Variants in VDR observed in about 807,000 individuals in gnomAD.
VDR encodes vitamin D3 receptor.
VDR carries 19 observed loss-of-function variants against 39.7 expected under a neutral mutation model. That is an observed-to-expected ratio of 0.48 (90% CI 0.33 to 0.70). The LOEUF is 0.70. Ranked by LOEUF, VDR falls within the 30% of genes least tolerant of loss-of-function variation. The pLI, the probability that VDR is intolerant of heterozygous loss-of-function variation, is 0.02. For missense variants in VDR, 442 were observed against 570.5 expected, an observed-to-expected ratio of 0.77 and a Z score of 2.29; for synonymous variants, 242 against 215.8, an observed-to-expected ratio of 1.12 and a Z score of -1.07.
chr12:47,892,460 G>C (rs1946388764), intron 1 of VDR, among the ~76,000 whole-genome samples: 1 of 152,190 alleles, frequency 6.6e-6, no homozygotes. Flanking sequence ...GTTTGGTCAG[G>C]CTTCTGGCCA....
At chr12:47,899,881 G>A (rs956618687) in intron 1 of VDR, 1 of 984,188 alleles carries the variant, frequency 1.0e-6, no homozygotes, top group South Asian at 4.7e-5. Flanking sequence ...GCAAAGCAAT[G>A]TGCACGGGGC....
At chr12:47,883,867 C>T (rs900034526) in intron 1 of VDR, among the ~76,000 whole-genome samples, 1 of 152,208 alleles carries the variant, frequency 6.6e-6, no homozygotes, top group African/African-American at 2.4e-5. Context: ...GCCACCCCCT[C>T]CAGTACTGCC....
intron 1 of VDR, among the ~76,000 whole-genome samples, chr12:47,892,563 A>G (rs1023226214): frequency 2.0e-4 from 30 of 152,190 alleles, no homozygotes; most frequent in African/African-American, 7.0e-4. Flanking sequence ...TGTGGTGGAC[A>G]TTGACTCTGG....
intron 3 of VDR, among the ~76,000 whole-genome samples, chr12:47,877,665 G>A (rs1220149396): frequency 6.6e-6 from 1 of 152,158 alleles, no homozygotes; most frequent in Non-Finnish European, 1.5e-5. Flanking sequence ...AGAGGACCTG[G>A]CAGGAAAGGG....
chr12:47,849,637 C>G (rs1176543104), intron 7 of VDR, among the ~76,000 whole-genome samples: 1 of 152,214 alleles, frequency 6.6e-6, no homozygotes, highest in East Asian at 1.9e-4. Flanking sequence ...TCTAACATCT[C>G]ACCATCCTTG....
chr12:47,849,125 T>A (rs1945337133), intron 7 of VDR, among the ~76,000 whole-genome samples: 1 of 151,824 alleles, frequency 6.6e-6, no homozygotes, highest in South Asian at 2.1e-4. Context: ...GACTGTCTAC[T>A]TCCTCCTGGA....
At chr12:47,889,963 C>A (rs1169700667) in intron 1 of VDR, among the ~76,000 whole-genome samples, 2 of 152,120 alleles carry the variant, frequency 1.3e-5, no homozygotes, top group Admixed American at 1.3e-4. Context: ...TCCACATAGG[C>A]CTGAGCCACG....
intron 4 of VDR, 126 bp downstream of exon 4, chr12:47,864,921 C>A (rs796175943): frequency 1.4e-5 from 21 of 1,523,966 alleles, no homozygotes; most frequent in Non-Finnish European, 1.7e-5. Context: ...GAGGCCCTGG[C>A]CCCAGATGCT....
chr12:47,842,449 C>G lies in VDR; in HGVS notation c.*2297G>C, dbSNP rs2137113723. Reference sequence around the variant, plus strand: ...TGAAAAGGACACCGGACCATGACTCCAAAATCTGGTCCTGTCCTGGTCCAC... The same window carrying G: ...TGAAAAGGACACCGGACCATGACTCGAAAATCTGGTCCTGTCCTGGTCCAC... On this transcript the variant is annotated 3_prime_UTR_variant, in exon 10 of 10. Coordinates refer to ENST00000549336, the MANE Select transcript of VDR (RefSeq NM_000376.3). 6.6e-6 allele frequency: 1 copy of G among 152,362 alleles called. No individual in the cohort carries two copies. Among genetic ancestry groups the G allele is most frequent in the East Asian group, 1.9e-4 (1 of 5,302 alleles). 9.4% of individuals were successfully genotyped at this position (152,362 alleles called of 1,614,324 possible).
At chr12:47,848,968 T>A (rs1945332961) in intron 7 of VDR, among the ~76,000 whole-genome samples, 1 of 152,202 alleles carries the variant, frequency 6.6e-6, no homozygotes, top group Admixed American at 6.5e-5. Context: ...CAGCACAAGA[T>A]GATCAATAGA....
chr12:47,848,869 T>G lies in VDR; in HGVS notation c.756-2061A>C, dbSNP rs552160536. Among the ~76,000 whole-genome samples, 34 of 152,298 alleles carry G rather than the reference T, an allele frequency of 2.2e-4. No homozygotes were observed. The South Asian group carries it at 6.0e-3, about 27-fold the overall frequency. On this transcript the variant is annotated intron_variant, in intron 7 of 9. Transcript: ENST00000549336. Reference sequence around the variant, plus strand: ...GCGTGAGCCACTGCACCCGGCCACTTGTTTTCTACTCTTGTTTGTAAGTTA... The same window carrying G: ...GCGTGAGCCACTGCACCCGGCCACTGGTTTTCTACTCTTGTTTGTAAGTTA...
intron 2 of VDR, 85 bp from the exon 3 acceptor site, chr12:47,879,200 C>T: frequency 1.3e-6 from 2 of 1,484,836 alleles, no homozygotes; most frequent in Non-Finnish European, 1.8e-6. Context: ...CACCCCCAGC[C>T]TCATCCCACC....
chr12:47,858,187 C>T lies in VDR; in HGVS notation c.278-499G>A, dbSNP rs577305950. Among the ~76,000 whole-genome samples, 5 of 152,252 alleles carry T rather than the reference C, an allele frequency of 3.3e-5. No homozygotes were observed. In the South Asian group the frequency reaches 1.0e-3, roughly 32 times the overall value. On this transcript the variant is annotated intron_variant, in intron 4 of 9. Coordinates refer to ENST00000549336, the MANE Select transcript of VDR (RefSeq NM_000376.3). ...GCATGCCTGGCCCAGAGCAGATGCT[C>T]ACTAAATGTTAGTTCTCTTCTCTTC... is the stretch of plus-strand genomic sequence containing the variant.
At chr12:47,871,292 C>CCCTTTCTT (rs1945854358) in intron 3 of VDR, among the ~76,000 whole-genome samples, 1 of 79,854 alleles carries the variant, frequency 1.3e-5, no homozygotes, top group Non-Finnish European at 2.5e-5. Context: ...CTTTCTCTTT[C>CCCTTTCTT]TCTTTCTTTC....
intron 3 of VDR, among the ~76,000 whole-genome samples, chr12:47,878,169 G>A (rs1261720605): frequency 6.6e-6 from 1 of 152,188 alleles, no homozygotes; most frequent in Non-Finnish European, 1.5e-5. Context: ...AGTCTAGACC[G>A]CTAGACAGAA....
At chr12:47,889,631 G>A (rs1946325800) in intron 1 of VDR, among the ~76,000 whole-genome samples, 1 of 152,170 alleles carries the variant, frequency 6.6e-6, no homozygotes, top group Non-Finnish European at 1.5e-5. Context: ...TACTTCCCAA[G>A]GATATCTGCT....
chr12:47,882,825 T>C, intron 1 of VDR, 51 bp from the exon 2 acceptor site: 1 of 1,450,658 alleles, frequency 6.9e-7, no homozygotes, highest in South Asian at 1.2e-5. Flanking sequence ...GCTGACCGCC[T>C]CCCCAGTCTC....
Position 47,879,095 on chromosome 12 carries a change from T to C in VDR, c.19A>G (p.Ser7Gly). The change falls in exon 3 of 10, where the codon AGC (serine) becomes GGC (glycine). Residue 7 changes from serine (S) to glycine (G), a missense_variant. Ser to Gly is a moderately conservative substitution (Grantham distance 56). This residue lies in a region of VDR where 141 missense variants were observed against 141.3 expected (regional missense o/e 1.00). Coordinates refer to ENST00000549336, the MANE Select transcript of VDR (RefSeq NM_000376.3). Reference sequence around the variant, plus strand: ...TCTCCAGGGTCAGGCAGGGAAGTGCTGGCCGCCATTGCCTCCATCCCTGTA... The same window carrying C: ...TCTCCAGGGTCAGGCAGGGAAGTGCCGGCCGCCATTGCCTCCATCCCTGTA... MEAMAA[S>G]TSLPDPGDFD... 2 of 1,614,024 alleles carry C rather than the reference T, an allele frequency of 1.2e-6. No homozygotes were observed. The highest frequency in any genetic ancestry group is 8.5e-7 in the Non-Finnish European group (1 of 1,179,932).
Position 47,865,995 on chromosome 12 carries a change from G to A in VDR, c.147-818C>T, listed in dbSNP as rs11574060. On this transcript the variant is annotated intron_variant, in intron 3 of 9. Transcript: ENST00000549336. ...CTCCCAAAGTGCTGGGATTACAGGC[G>A]TGAGCCATCGCGCACAGCCACGCCC... 9.5e-3 allele frequency among the ~76,000 whole-genome samples: 1,442 copies of A among 152,020 alleles called. 23 individuals are homozygous for A. Among genetic ancestry groups the A allele is most frequent in the African/African-American group, 0.033 (1,365 of 41,478 alleles).
Sources: gnomAD v4.1 joint callset for allele counts (sites outside exome capture counted in the v4.1 genomes callset) on GRCh38, gnomAD v4.1.1 for gene constraint, gnomAD v4.1.1 regional missense constraint, MANE v1.5 for transcripts, NCBI Gene and HGNC (gene_info 2026-07-23, HGNC 2026-07-21) for gene names.